SPDYE10: variants seen among roughly 807,000 people sequenced by gnomAD.
The protein encoded by SPDYE10 is speedy/RINGO cell cycle regulator family member E10.
the SPDYE10 span, among the ~76,000 whole-genome samples, chr7:73,113,836 C>G: frequency 6.6e-6 from 1 of 151,844 alleles, no homozygotes; most frequent in Non-Finnish European, 1.5e-5. Context: ...GAGATCGAGA[C>G]CATCCTGGCT....
At chr7:73,113,756 C>G in the SPDYE10 span, among the ~76,000 whole-genome samples, 1 of 152,004 alleles carries the variant, frequency 6.6e-6, no homozygotes, top group Non-Finnish European at 1.5e-5. Flanking sequence ...TTAGACGGGG[C>G]CAGGTGCCAT....
the SPDYE10 span, chr7:73,155,058 G>C: frequency 1.3e-5 from 2 of 149,660 alleles, no homozygotes; most frequent in Non-Finnish European, 1.5e-5. Flanking sequence ...CTTGCAACTT[G>C]GCGGGCCTCC....
At chr7:73,134,523 A>AAAAGAGAGAAAGAAAGAAAG in the SPDYE10 span, among the ~76,000 whole-genome samples, 1 of 5,056 alleles carries the variant, frequency 2.0e-4, no homozygotes, top group African/African-American at 6.2e-4. Flanking sequence ...AGTATAATAA[A>AAAAGAGAGAAAGAAAGAAAG]AAAGAAAGAA....
chr7:73,115,309 C>T, the SPDYE10 span, among the ~76,000 whole-genome samples: 1 of 152,136 alleles, frequency 6.6e-6, no homozygotes, highest in South Asian at 2.1e-4. Context: ...CGTCCCAAGT[C>T]CCTTTTTACT....
the SPDYE10 span, among the ~76,000 whole-genome samples, chr7:73,114,902 ATTTT>A: frequency 1.1e-5 from 1 of 94,068 alleles, no homozygotes. Flanking sequence ...GGGTCATCTG[ATTTT>A]TTTTTTTTTT....
chr7:73,139,323 AT>A, the SPDYE10 span, among the ~76,000 whole-genome samples: 185 of 41,286 alleles, frequency 4.5e-3, no homozygotes, highest in Non-Finnish European at 4.4e-3. Flanking sequence ...AGAGACCACG[AT>A]TTTTTTTTTT....
At chr7:73,131,333 C>T in the SPDYE10 span, among the ~76,000 whole-genome samples, 1 of 150,096 alleles carries the variant, frequency 6.7e-6, no homozygotes, top group African/African-American at 2.5e-5. Context: ...CAGCCATTCA[C>T]ACTTGTCCAG....
chr7:73,131,446 G>C, the SPDYE10 span, among the ~76,000 whole-genome samples: 6 of 149,946 alleles, frequency 4.0e-5, no homozygotes, highest in Non-Finnish European at 8.9e-5. Context: ...CATTCACAGA[G>C]GGGCCACAAA....
At chr7:73,118,142 C>G in the SPDYE10 span, among the ~76,000 whole-genome samples, 11 of 84,764 alleles carry the variant, frequency 1.3e-4, no homozygotes, top group East Asian at 1.3e-3. Context: ...CACAGCAAGA[C>G]TCTCTGTCAA....
the SPDYE10 span, among the ~76,000 whole-genome samples, chr7:73,134,539 A>AAAGAAAGAAAGAAAGAAAGAAAGAG: frequency 6.6e-6 from 1 of 150,988 alleles, no homozygotes; most frequent in East Asian, 1.9e-4. Flanking sequence ...AAGAAAGAAA[A>AAAGAAAGAAAGAAAGAAAGAAAGAG]AGAAAGAAAG....
At chr7:73,137,946 A>G in the SPDYE10 span, among the ~76,000 whole-genome samples, 138 of 128,034 alleles carry the variant, frequency 1.1e-3, no homozygotes, top group Middle Eastern at 8.3e-3. Flanking sequence ...AGGGGAAGGG[A>G]AGGGGAAGGG....
the SPDYE10 span, among the ~76,000 whole-genome samples, chr7:73,123,167 G>A: frequency 1.3e-5 from 2 of 152,230 alleles, no homozygotes; most frequent in Non-Finnish European, 2.9e-5. Context: ...GCTTGCTGCT[G>A]CCATTCCTGG....
At chr7:73,123,778 T>TCTCTCC in the SPDYE10 span, among the ~76,000 whole-genome samples, 4 of 148,978 alleles carry the variant, frequency 2.7e-5, no homozygotes, top group African/African-American at 1.0e-4. Context: ...TCTCTCTCTC[T>TCTCTCC]CTCTCTCTCC....
chr7:73,113,853 C>G, the SPDYE10 span, among the ~76,000 whole-genome samples: 8 of 152,020 alleles, frequency 5.3e-5, no homozygotes, highest in South Asian at 1.0e-3. Context: ...GGCTAACACC[C>G]CATCTCTGCT....
chr7:73,147,916 C>G, the SPDYE10 span, among the ~76,000 whole-genome samples: 1 of 151,092 alleles, frequency 6.6e-6, no homozygotes, highest in Non-Finnish European at 1.5e-5. Context: ...AAGCGATTCT[C>G]CTGCCTCAGC....
the SPDYE10 span, among the ~76,000 whole-genome samples, chr7:73,153,365 C>A: frequency 3.5e-5 from 1 of 28,440 alleles, no homozygotes; most frequent in Non-Finnish European, 6.1e-5. Context: ...GTAATCCCAG[C>A]AGTTTGGGAG....
the SPDYE10 span, among the ~76,000 whole-genome samples, chr7:73,113,887 A>T: frequency 4.6e-5 from 7 of 152,048 alleles, no homozygotes; most frequent in African/African-American, 1.7e-4. Flanking sequence ...GTAGCCAGGC[A>T]TGGTTGCGGG....
At chr7:73,123,238 A>T in the SPDYE10 span, among the ~76,000 whole-genome samples, 2 of 152,194 alleles carry the variant, frequency 1.3e-5, no homozygotes, top group African/African-American at 4.8e-5. Context: ...TGAGCCTGCC[A>T]GGGCAGAGCA....
At chr7:73,154,765 C>T in the SPDYE10 span, among the ~76,000 whole-genome samples, 1 of 151,124 alleles carries the variant, frequency 6.6e-6, no homozygotes, top group Non-Finnish European at 1.5e-5. Flanking sequence ...TCCCGTGCAC[C>T]GGGCTGCCGG....
Sources: gnomAD v4.1 joint callset for allele counts (sites outside exome capture counted in the v4.1 genomes callset) on GRCh38, gnomAD v4.1.1 for gene constraint, MANE v1.5 for transcripts, NCBI Gene and HGNC (gene_info 2026-07-23, HGNC 2026-07-21) for gene names.